The following B3GNT2 variants were observed in gnomAD, a reference collection of about 807,000 sequenced individuals.
B3GNT2 encodes the protein N-acetyllactosaminide beta-1,3-N-acetylglucosaminyltransferase 2.
B3GNT2 carries 12 observed loss-of-function variants against 27.6 expected under a neutral mutation model. The ratio of observed to expected loss-of-function variants is 0.44; its 90% CI spans 0.28 to 0.71. The LOEUF is 0.71. Ranked by LOEUF, B3GNT2 falls within the 30% of genes least tolerant of loss-of-function variation. The pLI is 0.17. For synonymous variants in B3GNT2, 192 were observed against 189.7 expected (o/e 1.01, Z -0.10); for missense variants, 413 against 488.5 (o/e 0.85, Z 1.46).
chr2:62,198,251 A>T (rs1186515976), intron 1 of B3GNT2, among the ~76,000 whole-genome samples: 1 of 152,192 alleles, frequency 6.6e-6, no homozygotes, highest in East Asian at 1.9e-4. Context: ...GCCACATTTA[A>T]TTCAGTGATC....
chr2:62,207,088 T>G (rs927036136), intron 1 of B3GNT2, among the ~76,000 whole-genome samples: 1 of 152,266 alleles, frequency 6.6e-6, no homozygotes, highest in Non-Finnish European at 1.5e-5. Flanking sequence ...TCAATGCTTT[T>G]TTGATTTTGA....
intron 1 of B3GNT2, among the ~76,000 whole-genome samples, chr2:62,204,414 G>C (rs753566756): frequency 4.6e-5 from 7 of 152,218 alleles, no homozygotes; most frequent in Non-Finnish European, 8.8e-5. Context: ...TGAGTTTTAT[G>C]TGCATGTGTG....
chr2:62,198,145 A>G (rs1052092932), intron 1 of B3GNT2, among the ~76,000 whole-genome samples: 1 of 152,126 alleles, frequency 6.6e-6, no homozygotes, highest in African/African-American at 2.4e-5. Context: ...ACTGTTTCTC[A>G]TTTAGTTTTT....
At position 62,209,251 on chromosome 2, in the gene B3GNT2, A is replaced by C. The variant is rs1042976194; in HGVS notation, c.-10+12896A>C. On this transcript the variant is annotated intron_variant, in intron 1 of 1. Coordinates refer to ENST00000301998, the MANE Select transcript of B3GNT2 (RefSeq NM_006577.6). Reference sequence around the variant, plus strand: ...TACTAATGATAATTTTGACTACTGGACTGGACTCCCCAGTCCCCTGGGACA... The same window carrying C: ...TACTAATGATAATTTTGACTACTGGCCTGGACTCCCCAGTCCCCTGGGACA... 2.0e-5 allele frequency among the ~76,000 whole-genome samples: 3 copies of C among 152,028 alleles called. No homozygotes were observed. The East Asian group carries it at 5.8e-4, about 29-fold the overall frequency.
At chr2:62,216,163 G>A (rs979742298) in intron 1 of B3GNT2, among the ~76,000 whole-genome samples, 1 of 152,274 alleles carries the variant, frequency 6.6e-6, no homozygotes, top group Admixed American at 6.5e-5. Context: ...GTGCTACAGG[G>A]CTCTCAGAAT....
At chr2:62,217,725 G>A (rs1055353441) in intron 1 of B3GNT2, among the ~76,000 whole-genome samples, 3 of 152,174 alleles carry the variant, frequency 2.0e-5, no homozygotes, top group Non-Finnish European at 4.4e-5. Context: ...TTTGGGCAGC[G>A]TTAAAGGATG....
chr2:62,201,897 G>T (rs551459517), intron 1 of B3GNT2, among the ~76,000 whole-genome samples: 1 of 152,302 alleles, frequency 6.6e-6, no homozygotes, highest in African/African-American at 2.4e-5. Flanking sequence ...TAGCAGAGAA[G>T]GCAAGAGTCT....
chr2:62,221,858 G>A (rs752806409), intron 1 of B3GNT2: 1 of 528,862 alleles, frequency 1.9e-6, no homozygotes, highest in Non-Finnish European at 3.7e-6. Context: ...ACTCTCCTGA[G>A]GTTATTTAGT....
chr2:62,196,852 C>G (rs1674154261), intron 1 of B3GNT2, among the ~76,000 whole-genome samples: 1 of 152,012 alleles, frequency 6.6e-6, no homozygotes, highest in Admixed American at 6.5e-5. Flanking sequence ...CACCCCCGCA[C>G]CCCACCCTCG....
intron 1 of B3GNT2, among the ~76,000 whole-genome samples, chr2:62,217,284 C>A (rs554457989): frequency 6.6e-6 from 1 of 152,350 alleles, no homozygotes; most frequent in African/African-American, 2.4e-5. Context: ...AAAACTCGCA[C>A]TCTGGAGCTA....
intron 1 of B3GNT2, chr2:62,221,856 G>T: frequency 1.9e-6 from 1 of 528,394 alleles, no homozygotes. Flanking sequence ...GAACTCTCCT[G>T]AGGTTATTTA....
At position 62,223,477 on chromosome 2, in the gene B3GNT2, T is replaced by A. The variant is rs541814813; in HGVS notation, c.*63T>A. On this transcript the variant is annotated 3_prime_UTR_variant, in exon 2 of 2. Transcript: ENST00000301998. Reference sequence around the variant, plus strand: ...TTTGAATAGTTCCCATGTTGTGTTCTCACATTAGAGTAATTTCTATATTAA... The same window carrying A: ...TTTGAATAGTTCCCATGTTGTGTTCACACATTAGAGTAATTTCTATATTAA... The A allele has an allele frequency of 2.9e-6, 4 of 1,368,642 alleles. No homozygotes were observed. Among genetic ancestry groups the A allele is most frequent in the Non-Finnish European group, 4.0e-6 (4 of 1,001,364 alleles). 84.8% of individuals were successfully genotyped at this position (1,368,642 alleles called of 1,614,324 possible).
At chr2:62,200,268 T>G (rs1674241453) in intron 1 of B3GNT2, among the ~76,000 whole-genome samples, 1 of 151,978 alleles carries the variant, frequency 6.6e-6, no homozygotes, top group African/African-American at 2.4e-5. Context: ...CACATTATTT[T>G]CTGTGCATCT....
At chr2:62,212,176 G>A (rs1674492409) in intron 1 of B3GNT2, among the ~76,000 whole-genome samples, 1 of 152,172 alleles carries the variant, frequency 6.6e-6, no homozygotes. Flanking sequence ...CTTGTAGGAG[G>A]AAGGGATTTT....
In B3GNT2 at chr2:62,224,538, G is replaced by T. The variant is rs1055175159; in HGVS notation, c.*1124G>T. ...GGTGTAACATATGTTAAATAAAACTGTTATTTTTGAATTTTAAAATTTGTT... is the reference window on the plus strand; with the variant it reads ...GGTGTAACATATGTTAAATAAAACTTTTATTTTTGAATTTTAAAATTTGTT... On this transcript the variant is annotated 3_prime_UTR_variant, in exon 2 of 2. Transcript: ENST00000301998. The T allele has an allele frequency of 6.0e-6, 1 of 166,982 alleles. No individual in the cohort carries two copies. Among genetic ancestry groups the T allele is most frequent in the Non-Finnish European group, 1.5e-5 (1 of 68,076 alleles). The allele number at this position is 166,982 out of a possible 1,614,324, so 10.3% of individuals were successfully genotyped here.
In B3GNT2 at chr2:62,196,978, C is replaced by G. The variant is rs902589469; in HGVS notation, c.-10+623C>G. ...ACCTCTGCCACTTCTGTCTCCGGCT[C>G]CCCCAAAACTGGTTTCTGCCAAACT... On this transcript the variant is annotated intron_variant, in intron 1 of 1. Coordinates refer to ENST00000301998, the MANE Select transcript of B3GNT2 (RefSeq NM_006577.6). Among the ~76,000 whole-genome samples the G allele has an allele frequency of 2.0e-5, 3 of 152,168 alleles. No individual in the cohort carries two copies. The East Asian group carries it at 5.8e-4, about 29-fold the overall frequency.
At chr2:62,211,025 G>GA (rs1004230817) in intron 1 of B3GNT2, among the ~76,000 whole-genome samples, 2 of 152,230 alleles carry the variant, frequency 1.3e-5, no homozygotes, top group African/African-American at 4.8e-5. Flanking sequence ...TCAGTTATAG[G>GA]AAAAATCAGA....
chr2:62,206,777 A>AG (rs1255277830), intron 1 of B3GNT2, among the ~76,000 whole-genome samples: 1 of 152,184 alleles, frequency 6.6e-6, no homozygotes, highest in African/African-American at 2.4e-5. Context: ...AGAGCGAGTC[A>AG]GGCAGTTCTC....
intron 1 of B3GNT2, among the ~76,000 whole-genome samples, chr2:62,206,511 AT>A (rs894008608): frequency 1.5e-4 from 22 of 151,678 alleles, no homozygotes; most frequent in African/African-American, 4.8e-4. Context: ...TCATTTCTCT[AT>A]TTTTTTTCCC....
Sources: gnomAD v4.1 joint callset for allele counts (sites outside exome capture counted in the v4.1 genomes callset) on GRCh38, gnomAD v4.1.1 for gene constraint, MANE v1.5 for transcripts, NCBI Gene and HGNC (gene_info 2026-07-23, HGNC 2026-07-21) for gene names.